C8orf34: variants seen among roughly 807,000 people sequenced by gnomAD.
The protein encoded by C8orf34 is uncharacterized protein C8orf34.
In C8orf34, 65 loss-of-function variants were observed where a neutral mutation model predicts 68.3. The observed-to-expected ratio is 0.95, with a 90% CI of 0.78 to 1.17. The LOEUF is 1.17. Among genes scored for constraint, C8orf34 ranks in the 50% most tolerant of loss-of-function variants. The pLI is 0.00. For synonymous variants in C8orf34, 244 were observed against 241.2 expected, an observed-to-expected ratio of 1.01 and a Z score of -0.11; for missense variants, 664 against 655.4, an observed-to-expected ratio of 1.01 and a Z score of -0.14.
At chr8:68,731,646 T>C (rs1418440826) in intron 10 of C8orf34, among the ~76,000 whole-genome samples, 1 of 152,224 alleles carries the variant, frequency 6.6e-6, no homozygotes. Context: ...ATTACATCTA[T>C]CTTACAAGCT....
At chr8:68,804,571 A>G (rs1824429268) in intron 12 of C8orf34, among the ~76,000 whole-genome samples, 1 of 152,168 alleles carries the variant, frequency 6.6e-6, no homozygotes, top group African/African-American at 2.4e-5. Context: ...GCTTGAGCCC[A>G]GGAGTTTGAG....
At chr8:68,674,995 G>A (rs576658966) in intron 8 of C8orf34, among the ~76,000 whole-genome samples, 145 of 152,108 alleles carry the variant, frequency 9.5e-4, no homozygotes, top group African/African-American at 3.4e-3. Flanking sequence ...GGAGACCATG[G>A]CATGACATAT....
intron 8 of C8orf34, among the ~76,000 whole-genome samples, chr8:68,682,893 C>T (rs1031933571): frequency 1.1e-4 from 17 of 152,004 alleles, no homozygotes; most frequent in East Asian, 7.7e-4. Flanking sequence ...TATTACATTT[C>T]GATTGAGTTT....
chr8:68,421,242 C>T (rs1026471461), intron 1 of C8orf34, among the ~76,000 whole-genome samples: 1 of 152,128 alleles, frequency 6.6e-6, no homozygotes, highest in African/African-American at 2.4e-5. Context: ...CAGGAAATGA[C>T]AAAGAGCTCT....
chr8:68,575,875 A>G (rs1402275412), intron 7 of C8orf34, among the ~76,000 whole-genome samples: 1 of 147,082 alleles, frequency 6.8e-6, no homozygotes, highest in Non-Finnish European at 1.5e-5. Flanking sequence ...ACTTTGATTG[A>G]TTTCCTAATT....
intron 12 of C8orf34, among the ~76,000 whole-genome samples, chr8:68,805,270 A>T (rs1824448707): frequency 6.6e-6 from 1 of 152,232 alleles, no homozygotes; most frequent in South Asian, 2.1e-4. Context: ...GCAAATGTTT[A>T]GAAGCACCAA....
At chr8:68,392,658 G>T (rs1159256359) in intron 1 of C8orf34, among the ~76,000 whole-genome samples, 4 of 151,980 alleles carry the variant, frequency 2.6e-5, no homozygotes, top group East Asian at 1.9e-4. Flanking sequence ...ATTAATAAAA[G>T]AATATTCAGA....
chr8:68,457,439 T>A (rs1046603308), intron 3 of C8orf34, among the ~76,000 whole-genome samples: 1 of 152,174 alleles, frequency 6.6e-6, no homozygotes, highest in Non-Finnish European at 1.5e-5. Context: ...TGGGGAGAAC[T>A]TTCAGATAAG....
At chr8:68,768,725 C>T (rs942905544) in intron 10 of C8orf34, among the ~76,000 whole-genome samples, 12 of 152,066 alleles carry the variant, frequency 7.9e-5, no homozygotes, top group Admixed American at 3.9e-4. Context: ...TTGTAAGAGT[C>T]ATATGAAATC....
intron 6 of C8orf34, chr8:68,530,638 C>A: frequency 8.2e-7 from 1 of 1,216,692 alleles, no homozygotes; most frequent in Non-Finnish European, 1.1e-6. Context: ...GATGCCATGG[C>A]AAGAGACTGA....
intron 1 of C8orf34, among the ~76,000 whole-genome samples, chr8:68,406,482 TTTAA>T (rs1010773645): frequency 2.6e-5 from 4 of 151,882 alleles, no homozygotes; most frequent in African/African-American, 9.7e-5. Flanking sequence ...TTTTATTGAT[TTTAA>T]TTAATTAATT....
At chr8:68,592,926 A>G (rs1261928740) in intron 7 of C8orf34, among the ~76,000 whole-genome samples, 2 of 151,522 alleles carry the variant, frequency 1.3e-5, no homozygotes, top group Non-Finnish European at 2.9e-5. Flanking sequence ...TTCTTCTTTT[A>G]TTCGATGTGT....
intron 10 of C8orf34, among the ~76,000 whole-genome samples, chr8:68,749,603 C>T (rs1476442087): frequency 6.6e-6 from 1 of 152,046 alleles, no homozygotes; most frequent in East Asian, 1.9e-4. Flanking sequence ...TAATAATATC[C>T]ATGTCTGCTC....
intron 7 of C8orf34, among the ~76,000 whole-genome samples, chr8:68,630,967 T>TTA (rs34850011): frequency 0.012 from 1,600 of 137,046 alleles, 18 homozygotes; most frequent in African/African-American, 0.026. Flanking sequence ...TTTTTTTTTT[T>TTA]AAAAAACAGG....
chr8:68,516,303 G>A (rs986786215), intron 5 of C8orf34, among the ~76,000 whole-genome samples: 2 of 152,084 alleles, frequency 1.3e-5, no homozygotes, highest in Admixed American at 6.5e-5. Context: ...ACATCTTTTC[G>A]TGTTTATTTT....
intron 7 of C8orf34, among the ~76,000 whole-genome samples, chr8:68,555,173 C>A (rs540557583): frequency 2.6e-5 from 4 of 152,214 alleles, no homozygotes; most frequent in Admixed American, 2.6e-4. Flanking sequence ...AGAGAACAAG[C>A]ATTGGAGACA....
At position 68,701,037 on chromosome 8, in the gene C8orf34, G is replaced by A. The variant is rs76520923; in HGVS notation, c.1242-7957G>A. On this transcript the variant is annotated intron_variant, in intron 8 of 13. Transcript: ENST00000518698. ...CTTAAAACCAAAACTGTTTAATGTG[G>A]TTCCCCTGATCTAATTGACATTTAT... is the stretch of plus-strand genomic sequence containing the variant. Among the ~76,000 whole-genome samples, 1,004 of 152,180 alleles carry A rather than the reference G, an allele frequency of 6.6e-3. 21 individuals carry two copies. The highest frequency in any genetic ancestry group is 0.022 in the African/African-American group (933 of 41,542).
intron 3 of C8orf34, among the ~76,000 whole-genome samples, chr8:68,451,514 T>G (rs2129627519): frequency 6.6e-6 from 1 of 152,190 alleles, no homozygotes; most frequent in East Asian, 1.9e-4. Flanking sequence ...TTAGAGGCCA[T>G]TGTACGGTTT....
intron 7 of C8orf34, among the ~76,000 whole-genome samples, chr8:68,634,922 T>C (rs951956423): frequency 6.6e-6 from 1 of 152,166 alleles, no homozygotes; most frequent in African/African-American, 2.4e-5. Flanking sequence ...GTTGAAGCAG[T>C]TTCAGCTTAC....
Sources: gnomAD v4.1 joint callset for allele counts (sites outside exome capture counted in the v4.1 genomes callset) on GRCh38, gnomAD v4.1.1 for gene constraint, MANE v1.5 for transcripts, NCBI Gene and HGNC (gene_info 2026-07-23, HGNC 2026-07-21) for gene names.